FBXL7: variants seen among roughly 807,000 people sequenced by gnomAD.
The protein encoded by FBXL7 is F-box/LRR-repeat protein 7.
Under a neutral mutation model 38.3 loss-of-function variants are expected in FBXL7, and 12 were observed. That is an observed-to-expected ratio of 0.31 (90% CI 0.20 to 0.51). FBXL7 has a LOEUF of 0.51. Among genes scored for constraint, FBXL7 ranks in the 20% least tolerant of loss-of-function variants. FBXL7 has a pLI of 0.98. For synonymous variants in FBXL7, 297 were observed against 300.9 expected (o/e 0.99, Z 0.13); for missense variants, 567 against 676.4 (o/e 0.84, Z 1.79).
chr5:15,586,148 AT>A (rs1210366620), intron 1 of FBXL7, among the ~76,000 whole-genome samples: 1 of 152,006 alleles, frequency 6.6e-6, no homozygotes, highest in Non-Finnish European at 1.5e-5. Flanking sequence ...TCTGGGGGGT[AT>A]TAAGATTGAT....
At position 15,866,475 on chromosome 5, in the gene FBXL7, C is replaced by T. The variant is rs191606009; in HGVS notation, c.128-61415C>T. On this transcript the variant is annotated intron_variant, in intron 2 of 3. Transcript: ENST00000504595. ...CATGATCAGAAGTTTTCAAATGATA[C>T]TTCTGAGAAATTGTTCCTGTATTTT... is the stretch of plus-strand genomic sequence containing the variant. Among the ~76,000 whole-genome samples the T allele has an allele frequency of 3.4e-3, 522 of 152,234 alleles. 1 individual carries two copies. Among genetic ancestry groups the T allele is most frequent in the African/African-American group, 0.012 (490 of 41,536 alleles).
chr5:15,654,931 T>C (rs1271694983), intron 2 of FBXL7, among the ~76,000 whole-genome samples: 1 of 152,250 alleles, frequency 6.6e-6, no homozygotes, highest in African/African-American at 2.4e-5. Context: ...ATTTCTATGT[T>C]TGCATAGTAT....
intron 1 of FBXL7, among the ~76,000 whole-genome samples, chr5:15,507,801 T>C (rs1206939687): frequency 6.6e-6 from 1 of 152,116 alleles, no homozygotes; most frequent in Non-Finnish European, 1.5e-5. Flanking sequence ...CCCAGCACTT[T>C]GGGAGGTTGA....
intron 2 of FBXL7, among the ~76,000 whole-genome samples, chr5:15,819,197 A>G (rs760590123): frequency 5.9e-5 from 9 of 152,160 alleles, no homozygotes; most frequent in Non-Finnish European, 1.3e-4. Context: ...ATAGCCAGAG[A>G]CTATAGGTAC....
chr5:15,688,492 A>G (rs1743086449), intron 2 of FBXL7, among the ~76,000 whole-genome samples: 1 of 152,016 alleles, frequency 6.6e-6, no homozygotes, highest in Admixed American at 6.6e-5. Context: ...GGTAACACAA[A>G]CCATTCTCTT....
intron 2 of FBXL7, among the ~76,000 whole-genome samples, chr5:15,773,215 A>T (rs888120747): frequency 3.3e-5 from 5 of 152,162 alleles, no homozygotes; most frequent in African/African-American, 1.2e-4. Flanking sequence ...CTTCTTTTCA[A>T]GGTCTACTGT....
chr5:15,687,494 A>G (rs1743049178), intron 2 of FBXL7, among the ~76,000 whole-genome samples: 1 of 152,226 alleles, frequency 6.6e-6, no homozygotes, highest in Admixed American at 6.5e-5. Context: ...TTCGAAATGC[A>G]GTTAGTGCTC....
chr5:15,626,418 A>G (rs1255460958), intron 2 of FBXL7, among the ~76,000 whole-genome samples: 1 of 152,226 alleles, frequency 6.6e-6, no homozygotes, highest in Non-Finnish European at 1.5e-5. Flanking sequence ...CAAATGTACA[A>G]TAAAATGCTA....
chr5:15,762,938 T>A (rs188920340), intron 2 of FBXL7, among the ~76,000 whole-genome samples: 3 of 152,324 alleles, frequency 2.0e-5, no homozygotes, highest in African/African-American at 7.2e-5. Context: ...GCTTTTGAGA[T>A]GTTTGAAGTT....
intron 1 of FBXL7, among the ~76,000 whole-genome samples, chr5:15,573,916 G>A (rs972988279): frequency 6.6e-6 from 1 of 152,154 alleles, no homozygotes; most frequent in African/African-American, 2.4e-5. Flanking sequence ...GTAATAGCTG[G>A]AAACTTCTGA....
chr5:15,903,498 G>A (rs1469867218), intron 2 of FBXL7, among the ~76,000 whole-genome samples: 1 of 152,142 alleles, frequency 6.6e-6, no homozygotes, highest in African/African-American at 2.4e-5. Flanking sequence ...AAGGAGTAGG[G>A]AAACCCACAA....
intron 2 of FBXL7, among the ~76,000 whole-genome samples, chr5:15,621,915 CATTA>C (rs1262745006): frequency 3.3e-5 from 5 of 152,006 alleles, no homozygotes; most frequent in African/African-American, 4.8e-5. Context: ...TTTTTTTTTA[CATTA>C]ATTAATGAAA....
chr5:15,516,982 A>G lies in FBXL7; in HGVS notation c.37+16269A>G, dbSNP rs187758249. On this transcript the variant is annotated intron_variant, in intron 1 of 3. Transcript: ENST00000504595. ...TTTATTAGCAGCGTGAGAACGGACT[A>G]ATACATAGATATTGGGTTTTTTATT... 7.9e-5 allele frequency among the ~76,000 whole-genome samples: 12 copies of G among 152,270 alleles called. No individual in the cohort carries two copies. In the East Asian group the frequency reaches 2.1e-3, roughly 27 times the overall value.
intron 2 of FBXL7, among the ~76,000 whole-genome samples, chr5:15,881,433 G>A (rs754120031): frequency 6.6e-6 from 1 of 152,098 alleles, no homozygotes; most frequent in East Asian, 1.9e-4. Context: ...TGATTGATGG[G>A]CATTTGGGCT....
At chr5:15,561,026 G>GT (rs1028544824) in intron 1 of FBXL7, among the ~76,000 whole-genome samples, 1 of 152,064 alleles carries the variant, frequency 6.6e-6, no homozygotes, top group African/African-American at 2.4e-5. Flanking sequence ...ACATGTTTCC[G>GT]TTTTTTGTGG....
In FBXL7 at chr5:15,629,605, G is replaced by T. The variant is rs17523312; in HGVS notation, c.127+13533G>T. Among the ~76,000 whole-genome samples, 663 of 152,058 alleles carry T rather than the reference G, an allele frequency of 4.4e-3. 4 individuals are homozygous for T. The highest frequency in any genetic ancestry group is 0.015 in the African/African-American group (634 of 41,486). On this transcript the variant is annotated intron_variant, in intron 2 of 3. Coordinates refer to ENST00000504595, the MANE Select transcript of FBXL7 (RefSeq NM_012304.5). ...AATGCCAGTACTAGGCCACAGCCCA[G>T]TCAACATATCCCTGCATGAGAGTTT...
intron 2 of FBXL7, among the ~76,000 whole-genome samples, chr5:15,698,013 T>C (rs1418433113): frequency 2.0e-5 from 3 of 152,238 alleles, no homozygotes. Context: ...ACAATCCTTA[T>C]AATAATGCAG....
At chr5:15,801,325 C>T (rs1332570380) in intron 2 of FBXL7, among the ~76,000 whole-genome samples, 1 of 152,122 alleles carries the variant, frequency 6.6e-6, no homozygotes, top group Non-Finnish European at 1.5e-5. Context: ...TGGTAACTTA[C>T]AGGTTAAGTC....
intron 2 of FBXL7, among the ~76,000 whole-genome samples, chr5:15,700,300 T>C (rs1177197072): frequency 3.3e-5 from 5 of 152,226 alleles, no homozygotes; most frequent in Non-Finnish European, 7.3e-5. Context: ...CCTTTCATGA[T>C]AGAATACAGA....
Sources: gnomAD v4.1 joint callset for allele counts (sites outside exome capture counted in the v4.1 genomes callset) on GRCh38, gnomAD v4.1.1 for gene constraint, MANE v1.5 for transcripts, NCBI Gene and HGNC (gene_info 2026-07-23, HGNC 2026-07-21) for gene names.